The following PCTP variants were observed in gnomAD, a reference collection of about 807,000 sequenced individuals.
The protein encoded by PCTP is START domain-containing protein 2.
In PCTP, 27 loss-of-function variants were observed where a neutral mutation model predicts 31.0. The ratio of observed to expected loss-of-function variants is 0.87; its 90% CI spans 0.64 to 1.20. PCTP has a LOEUF of 1.20. PCTP is among the 50% of genes most tolerant of loss of function. PCTP has a pLI of 0.00. For synonymous variants in PCTP, 108 were observed against 101.2 expected (o/e 1.07, Z -0.40); for missense variants, 287 against 268.2 (o/e 1.07, Z -0.49).
At chr17:55,764,790 G>A (rs1369071732) in intron 1 of PCTP, among the ~76,000 whole-genome samples, 2 of 152,182 alleles carry the variant, frequency 1.3e-5, no homozygotes, top group Admixed American at 1.3e-4. Flanking sequence ...CTTCATTCAT[G>A]CATGATTAAC....
intron 4 of PCTP, among the ~76,000 whole-genome samples, chr17:55,774,526 T>C (rs1477757199): frequency 6.6e-6 from 1 of 152,200 alleles, no homozygotes; most frequent in African/African-American, 2.4e-5. Flanking sequence ...GCTAGAATAA[T>C]TGAATGAGAG....
intron 5 of PCTP, among the ~76,000 whole-genome samples, chr17:55,834,668 A>C (rs559636218): frequency 1.3e-5 from 2 of 152,282 alleles, no homozygotes; most frequent in African/African-American, 4.8e-5. Context: ...TTTTCTGAAA[A>C]TAGGGGAGGA....
chr17:55,759,661 T>G (rs185434950), intron 1 of PCTP, among the ~76,000 whole-genome samples: 16 of 152,266 alleles, frequency 1.1e-4, no homozygotes, highest in African/African-American at 3.1e-4. Flanking sequence ...CAATGCACAC[T>G]CATGAGTGCA....
chr17:55,843,389 G>GC (rs777211954), downstream of PCTP, among the ~76,000 whole-genome samples: 13 of 152,020 alleles, frequency 8.6e-5, no homozygotes, highest in Non-Finnish European at 1.6e-4. Flanking sequence ...TTTTTGATCT[G>GC]CCCCCCTCCC....
At position 55,799,395 on chromosome 17, in the gene PCTP, C is replaced by CTTT. The variant is rs71137177; in HGVS notation, c.317+11752_317+11754dup. On this transcript the variant is annotated intron_variant, in intron 3 of 3. Transcript: ENST00000572536. The stretch of plus-strand genomic sequence containing the variant: ...TCCCTGCTTTTTTTTCTTTTTCTTT[C>CTTT]TTTTTTTTTTTTTCGCTTTCCATTT... Among the ~76,000 whole-genome samples, 6 of 140,532 alleles carry CTTT rather than the reference C, an allele frequency of 4.3e-5. No individual in the cohort carries two copies. In the Admixed American group the frequency reaches 4.3e-4, roughly 10 times the overall value. The allele number at this position is 140,532 out of a possible 152,430, so 92.2% of individuals were successfully genotyped here.
chr17:55,828,753 G>A (rs1161038584), intron 5 of PCTP, among the ~76,000 whole-genome samples: 5 of 152,198 alleles, frequency 3.3e-5, no homozygotes, highest in African/African-American at 1.2e-4. Context: ...GACAATAGCA[G>A]AAGATGGGGG....
intron 3 of PCTP, among the ~76,000 whole-genome samples, chr17:55,809,893 G>C (rs930228486): frequency 1.3e-5 from 2 of 152,204 alleles, no homozygotes; most frequent in Non-Finnish European, 2.9e-5. Flanking sequence ...TACACACCAA[G>C]TACAGAGTTT....
chr17:55,771,527 A>C (rs1333321931), intron 3 of PCTP, among the ~76,000 whole-genome samples: 2 of 152,202 alleles, frequency 1.3e-5, no homozygotes, highest in African/African-American at 2.4e-5. Flanking sequence ...CAGCTCCCTC[A>C]GTCTACAGAA....
At chr17:55,761,660 T>G (rs1910348736) in intron 1 of PCTP, among the ~76,000 whole-genome samples, 1 of 150,236 alleles carries the variant, frequency 6.7e-6, no homozygotes, top group Non-Finnish European at 1.5e-5. Flanking sequence ...GAGTTAGTTA[T>G]TCAAAGGAGA....
Position 55,774,932 on chromosome 17 carries a change from G to A in PCTP, c.579+73G>A, listed in dbSNP as rs1473103428. On this transcript the variant is annotated intron_variant, in intron 5 of 5. Coordinates refer to ENST00000268896, the MANE Select transcript of PCTP (RefSeq NM_021213.4). ...TGACAAATGTTGACTTAGCCCGCGGGGCTGTCAGGCTGAAGAGACACATTG... is the reference window on the plus strand; with the variant it reads ...TGACAAATGTTGACTTAGCCCGCGGAGCTGTCAGGCTGAAGAGACACATTG... The A allele has an allele frequency of 9.7e-6, 14 of 1,450,314 alleles. No individual in the cohort carries two copies. The Middle Eastern group carries it at 7.1e-4, about 74-fold the overall frequency. The allele number at this position is 1,450,314 out of a possible 1,614,324, so 89.8% of individuals were successfully genotyped here. A position where few individuals can be genotyped will look rare whatever the true frequency, so the allele number is the denominator to read the frequency against.
intron 3 of PCTP, among the ~76,000 whole-genome samples, chr17:55,773,269 G>A (rs1369792342): frequency 6.6e-6 from 1 of 152,188 alleles, no homozygotes; most frequent in Non-Finnish European, 1.5e-5. Context: ...TGACACCATT[G>A]TCTGTCGAGT....
downstream of PCTP, among the ~76,000 whole-genome samples, chr17:55,823,360 T>G (rs1008276966): frequency 6.6e-6 from 1 of 152,190 alleles, no homozygotes; most frequent in Non-Finnish European, 1.5e-5. Context: ...ACACCCAAAG[T>G]TAAAATTTCT....
At chr17:55,787,508 C>G (rs1911789695) in intron 2 of PCTP, 1 of 151,974 alleles carries the variant, frequency 6.6e-6, no homozygotes, top group Non-Finnish European at 1.5e-5. Context: ...GCACACGCCA[C>G]CATACCCGGT....
intron 1 of PCTP, among the ~76,000 whole-genome samples, chr17:55,752,360 G>A (rs1909760709): frequency 6.6e-6 from 1 of 152,172 alleles, no homozygotes; most frequent in Admixed American, 6.5e-5. Flanking sequence ...AGGGTTGTTA[G>A]GGGGTTCAAA....
downstream of PCTP, among the ~76,000 whole-genome samples, chr17:55,824,178 C>G (rs1905318913): frequency 6.6e-6 from 1 of 151,822 alleles, no homozygotes; most frequent in Non-Finnish European, 1.5e-5. Flanking sequence ...TGCACTAGTC[C>G]CAATTCTGGA....
rs1250164706 is a variant in PCTP, at chr17:55,804,445, C to A, written c.317+16791C>A. Among the ~76,000 whole-genome samples the A allele has an allele frequency of 4.6e-5, 7 of 152,262 alleles. 1 individual carries two copies. The Middle Eastern group carries it at 0.017, about 370-fold the overall frequency. The stretch of plus-strand genomic sequence containing the variant: ...TTTATTGCAGCACTATCCACAATAG[C>A]AAAGACTTGGGACCAATCCAAATGC... On this transcript the variant is annotated intron_variant, in intron 3 of 3. Coordinates refer to the PCTP transcript ENST00000572536.
At chr17:55,785,123 A>G (rs1472056072) in intron 2 of PCTP, among the ~76,000 whole-genome samples, 1 of 152,234 alleles carries the variant, frequency 6.6e-6, no homozygotes, top group Non-Finnish European at 1.5e-5. Flanking sequence ...GGGATGTTAC[A>G]TCCAAGATTA....
At chr17:55,762,367 C>T (rs1021302234) in intron 1 of PCTP, among the ~76,000 whole-genome samples, 21 of 152,018 alleles carry the variant, frequency 1.4e-4, no homozygotes, top group Admixed American at 9.8e-4. Flanking sequence ...CATAGGTAAA[C>T]GGGGGCATCC....
chr17:55,822,778 G>A, exon 4 of PCTP: 1 of 1,231,342 alleles, frequency 8.1e-7, no homozygotes, highest in Non-Finnish European at 1.0e-6. Flanking sequence ...GCAGAACCAA[G>A]CGGGAAGCTC....
Sources: allele counts gnomAD v4.1 joint callset (sites outside exome capture counted in the v4.1 genomes callset), GRCh38; gene constraint gnomAD v4.1.1; transcripts MANE v1.5; gene names NCBI Gene and HGNC (gene_info 2026-07-23, HGNC 2026-07-21).